The following HDLBP variants were observed in gnomAD, a reference collection of about 807,000 sequenced individuals.
HDLBP encodes the protein high density lipoprotein binding protein, also known as vigilin.
Under a neutral mutation model 137.3 loss-of-function variants are expected in HDLBP, and 30 were observed. The ratio of observed to expected loss-of-function variants is 0.22; its 90% confidence interval spans 0.16 to 0.30. The LOEUF (loss-of-function observed/expected upper bound fraction) is 0.30. Ranked by LOEUF, HDLBP falls within the 10% of genes least tolerant of loss-of-function variation. The pLI is 1.00. For missense variants in HDLBP, 1,119 were observed against 1,667.3 expected (o/e 0.67, Z 5.73); for synonymous variants, 606 against 596.0 (o/e 1.02, Z -0.24).
At chr2:241,273,852 G>GTT (rs35026687) in intron 1 of HDLBP, among the ~76,000 whole-genome samples, 72 of 139,250 alleles carry the variant, frequency 5.2e-4, no homozygotes, top group African/African-American at 1.7e-3. Flanking sequence ...GATCAGACGT[G>GTT]TTTTTTTTTT....
intron 1 of HDLBP, among the ~76,000 whole-genome samples, chr2:241,281,943 C>A (rs906912853): frequency 1.3e-5 from 2 of 152,226 alleles, no homozygotes; most frequent in African/African-American, 4.8e-5. Flanking sequence ...TATAAACTGA[C>A]AAGGGAGTTT....
intron 1 of HDLBP, among the ~76,000 whole-genome samples, chr2:241,298,384 A>T (rs1453420429): frequency 1.3e-5 from 2 of 152,014 alleles, no homozygotes; most frequent in Non-Finnish European, 1.5e-5. Context: ...ATAATAATGA[A>T]AAAAATAAAT....
At chr2:241,253,066 C>A in intron 10 of HDLBP, 31 bp from the exon 11 acceptor site, 2 of 1,529,842 alleles carry the variant, frequency 1.3e-6, no homozygotes, top group South Asian at 1.1e-5. Context: ...TCCATGGATG[C>A]GCCTGGTTAC....
chr2:241,305,583 T>C (rs1403312455), intron 1 of HDLBP, among the ~76,000 whole-genome samples: 4 of 152,148 alleles, frequency 2.6e-5, no homozygotes, highest in African/African-American at 9.7e-5. Context: ...TACCACAGGA[T>C]GTAAGCATCT....
intron 4 of HDLBP, 64 bp from the exon 5 acceptor site, chr2:241,262,990 T>A: frequency 8.0e-7 from 1 of 1,250,800 alleles, no homozygotes; most frequent in Non-Finnish European, 1.2e-6. Context: ...AGATAGGGAG[T>A]AAAGAACATG....
intron 1 of HDLBP, among the ~76,000 whole-genome samples, chr2:241,287,356 G>A (rs1035431896): frequency 6.6e-6 from 1 of 151,456 alleles, no homozygotes; most frequent in East Asian, 1.9e-4. Flanking sequence ...TGATCCACCC[G>A]CCTGTCTCCC....
Position 241,253,044 on chromosome 2 carries a change from G to A in HDLBP, c.1294-9C>T, listed in dbSNP as rs913577730. On this transcript the variant is annotated splice_polypyrimidine_tract_variant and intron_variant, in intron 10 of 27. Coordinates refer to ENST00000310931, the MANE Select transcript of HDLBP (RefSeq NM_005336.6). ...TAGTCCATCCGGTTAATCTGCAGGA[G>A]GAGCACAGAGGTCCATGGATGCGCC... 6.3e-7 allele frequency: 1 copy of A among 1,594,580 alleles called. No individual in the cohort carries two copies. The highest frequency in any genetic ancestry group is 1.3e-5 in the African/African-American group (1 of 74,702).
At chr2:241,242,321 G>T in intron 17 of HDLBP, 139 bp downstream of exon 17, 1 of 687,726 alleles carries the variant, frequency 1.5e-6, no homozygotes, top group Non-Finnish European at 2.5e-6. Context: ...AAACAAAGAC[G>T]CATAAACAGT....
intron 1 of HDLBP, among the ~76,000 whole-genome samples, chr2:241,275,158 T>C (rs973874054): frequency 6.6e-6 from 1 of 151,006 alleles, no homozygotes; most frequent in African/African-American, 2.5e-5. Context: ...ACTGAGATAT[T>C]AACAAAACAG....
intron 1 of HDLBP, among the ~76,000 whole-genome samples, chr2:241,294,607 C>T (rs912859908): frequency 5.9e-5 from 9 of 152,108 alleles, no homozygotes; most frequent in South Asian, 4.1e-4. Context: ...ACTACAGGTG[C>T]GTACACCATG....
chr2:241,232,158 A>T (rs1410228902), intron 24 of HDLBP, among the ~76,000 whole-genome samples: 2 of 152,258 alleles, frequency 1.3e-5, no homozygotes, highest in East Asian at 1.9e-4. Flanking sequence ...TGCCAGGTAC[A>T]GAACCTCAAG....
intron 1 of HDLBP, among the ~76,000 whole-genome samples, chr2:241,301,822 T>C (rs2075405323): frequency 1.3e-5 from 2 of 152,132 alleles, no homozygotes; most frequent in South Asian, 2.1e-4. Flanking sequence ...AAGTTTCCTA[T>C]TCTAATAAAT....
At chr2:241,290,678 C>T (rs910163259) in intron 1 of HDLBP, among the ~76,000 whole-genome samples, 1 of 151,674 alleles carries the variant, frequency 6.6e-6, no homozygotes, top group Non-Finnish European at 1.5e-5. Flanking sequence ...TATCTCAATG[C>T]TGGTTATATG....
At chr2:241,269,911 C>G (rs1178552808) in intron 1 of HDLBP, among the ~76,000 whole-genome samples, 2 of 152,130 alleles carry the variant, frequency 1.3e-5, no homozygotes, top group African/African-American at 2.4e-5. Flanking sequence ...CTTGCTGACT[C>G]TCACCTGGCA....
At chr2:241,312,253 C>A (rs905283349) in intron 1 of HDLBP, among the ~76,000 whole-genome samples, 1 of 152,218 alleles carries the variant, frequency 6.6e-6, no homozygotes, top group African/African-American at 2.4e-5. Flanking sequence ...ACTAACACAA[C>A]CACATGATGT....
At chr2:241,247,827 G>GT (rs1249815509) in intron 14 of HDLBP, among the ~76,000 whole-genome samples, 176 bp downstream of exon 14, 5 of 152,100 alleles carry the variant, frequency 3.3e-5, no homozygotes. Flanking sequence ...AAACATCCAG[G>GT]TATTAAGTGA....
At position 241,246,835 on chromosome 2, in the gene HDLBP, T is replaced by A; in HGVS notation, c.1867A>T (p.Asn623Tyr). 1 of 1,614,118 alleles carries A rather than the reference T, an allele frequency of 6.2e-7. No homozygotes were observed. The highest frequency in any genetic ancestry group is 8.5e-7 in the Non-Finnish European group (1 of 1,179,926). ...CCTGTGATGATAATGGTCTCTGAAT[T>A]GCTATTCTCTGCTGGAAGGTCGATT... ...TKIDLPAENS[N>Y]SETIIITGKR... is the part of the protein sequence containing the mutation. The change falls in exon 16 of 28, where the codon AAT becomes TAT. Residue 623 changes from asparagine to tyrosine, a missense_variant. Asn to Tyr is a moderately radical substitution (Grantham distance 143). Transcript: ENST00000310931.
Position 241,235,607 on chromosome 2 carries a change from T to C in HDLBP, c.2905-13A>G, listed in dbSNP as rs747243276. On this transcript the variant is annotated splice_polypyrimidine_tract_variant and intron_variant, in intron 21 of 27. Transcript: ENST00000310931. ...CAGGAACCAATGCCTGCAGGGAGGATGGTCATGGTTAGGCCGTGGGAGCTG... is the reference window on the plus strand; with the variant it reads ...CAGGAACCAATGCCTGCAGGGAGGACGGTCATGGTTAGGCCGTGGGAGCTG... The C allele has an allele frequency of 3.1e-6, 5 of 1,596,420 alleles. No homozygotes were observed. Among genetic ancestry groups the C allele is most frequent in the Admixed American group, 1.7e-5 (1 of 59,936 alleles).
intron 1 of HDLBP, chr2:241,271,959 C>G (rs1183735933): frequency 6.5e-6 from 1 of 153,210 alleles, no homozygotes; most frequent in Non-Finnish European, 1.5e-5. Context: ...GAGGAACTTT[C>G]GCAGATGCCA....
Sources: allele counts gnomAD v4.1 joint callset (sites outside exome capture counted in the v4.1 genomes callset), GRCh38; gene constraint gnomAD v4.1.1; transcripts MANE v1.5; gene names NCBI Gene and HGNC (gene_info 2026-07-23, HGNC 2026-07-21).